Variants in GOLGA4 observed in about 807,000 individuals in gnomAD.
GOLGA4 encodes golgin A4, also known as golgin subfamily A member 4.
In GOLGA4, 169 loss-of-function variants were observed where a neutral mutation model predicts 265.9. That is an observed-to-expected ratio of 0.64 (90% CI 0.56 to 0.72). The LOEUF (loss-of-function observed/expected upper bound fraction) is 0.72, where lower values mean the gene tolerates loss of function less well. Ranked by LOEUF, GOLGA4 falls within the 30% of genes least tolerant of loss-of-function variation. The pLI, the probability that GOLGA4 is intolerant of heterozygous loss-of-function variation, is 0.00. For synonymous variants in GOLGA4, 923 were observed against 855.8 expected (o/e 1.08, Z -1.37); for missense variants, 2,482 against 2,483.4 (o/e 1.00, Z 0.01).
At chr3:37,246,176 G>A (rs2096719033) in intron 1 of GOLGA4, among the ~76,000 whole-genome samples, 1 of 151,872 alleles carries the variant, frequency 6.6e-6, no homozygotes, top group South Asian at 2.1e-4. Flanking sequence ...GCGTGGTGGC[G>A]CACACCTGTA....
intron 4 of GOLGA4, chr3:37,287,722 T>G (rs1440285585): frequency 6.6e-6 from 1 of 152,258 alleles, no homozygotes; most frequent in Admixed American, 6.5e-5. Context: ...GTTCCTGCAT[T>G]TAAAATTTTA....
rs2096836309 is a variant in GOLGA4 at position 37,282,098 on chromosome 3, C to A, written c.303C>A (p.Ser101=). 1.2e-6 allele frequency: 2 copies of A among 1,613,976 alleles called. No homozygotes were observed. Among genetic ancestry groups the A allele is most frequent in the Non-Finnish European group, 1.7e-6 (2 of 1,179,992 alleles). The change falls in exon 3 of 24, where the codon TCC becomes TCA. Residue 101 remains serine (S), a synonymous_variant. Transcript: ENST00000361924. ...TGGTACGAACATCTTCCAGAGAATC[C>A]CTGAATCGACTTGACCTGGACAGTT... ...ESLVRTSSRE[S]LNRLDLDSST... is the part of the protein sequence containing the mutation.
At position 37,267,662 on chromosome 3, in the gene GOLGA4, T is replaced by C. The variant is rs1313847682; in HGVS notation, c.163-14296T>C. On this transcript the variant is annotated intron_variant, in intron 2 of 23. Coordinates refer to ENST00000361924, the MANE Select transcript of GOLGA4 (RefSeq NM_002078.5). The stretch of plus-strand genomic sequence containing the variant: ...ACTCTACTGGGATTGAGGTTTTTCT[T>C]TCTTTTTTTAAAAAATTGTTCCACA... Among the ~76,000 whole-genome samples, 8 of 152,234 alleles carry C rather than the reference T, an allele frequency of 5.3e-5. 1 individual carries two copies. The highest frequency in any genetic ancestry group is 4.6e-4 in the Admixed American group (7 of 15,290).
At chr3:37,310,074 C>G (rs548594888) in intron 10 of GOLGA4, among the ~76,000 whole-genome samples, 1 of 152,208 alleles carries the variant, frequency 6.6e-6, no homozygotes, top group Non-Finnish European at 1.5e-5. Context: ...CAGGCATTGG[C>G]TTACTTACTC....
At chr3:37,337,568 C>A in intron 18 of GOLGA4, 98 bp from the exon 19 acceptor site, 3 of 780,778 alleles carry the variant, frequency 3.8e-6, no homozygotes, top group Non-Finnish European at 6.8e-6. Context: ...TAAGTTAAAA[C>A]TTAAAAAGAC....
chr3:37,338,604 C>G (rs545063222), intron 19 of GOLGA4, among the ~76,000 whole-genome samples: 2 of 152,260 alleles, frequency 1.3e-5, no homozygotes, highest in Admixed American at 1.3e-4. Flanking sequence ...TAAAAGTTAA[C>G]ATTTTAATCA....
At chr3:37,340,943 G>A (rs909496011) in intron 20 of GOLGA4, among the ~76,000 whole-genome samples, 4 of 152,162 alleles carry the variant, frequency 2.6e-5, no homozygotes, top group African/African-American at 9.7e-5. Flanking sequence ...TGAGGCAGGT[G>A]GATCATGAGG....
chr3:37,273,528 T>A (rs1299595778), intron 2 of GOLGA4: 10 of 1,468,660 alleles, frequency 6.8e-6, no homozygotes, highest in Non-Finnish European at 7.4e-6. Flanking sequence ...TTTCTTTCTT[T>A]TTCTTAGAAT....
chr3:37,321,040 C>G (rs2096953507), intron 12 of GOLGA4, among the ~76,000 whole-genome samples: 2 of 152,078 alleles, frequency 1.3e-5, no homozygotes, highest in Non-Finnish European at 2.9e-5. Context: ...AATATCTGCT[C>G]TAAGCAATAG....
rs201201581 is a variant in GOLGA4, at chr3:37,258,046, C to CAT, written c.162+6571_162+6572dup. ...GTATGTATATATGTATATATACATA[C>CAT]ATATATATATGTATGTATATATGTA... is the stretch of plus-strand genomic sequence containing the variant. On this transcript the variant is annotated intron_variant, in intron 2 of 23. Coordinates refer to ENST00000361924, the MANE Select transcript of GOLGA4 (RefSeq NM_002078.5). 1.0e-4 allele frequency among the ~76,000 whole-genome samples: 4 copies of CAT among 38,236 alleles called. 1 individual carries two copies. The highest frequency in any genetic ancestry group is 8.6e-4 in the South Asian group (2 of 2,314). The allele number at this position is 38,236 out of a possible 152,430, so 25.1% of individuals were successfully genotyped here. A position where few individuals can be genotyped will look rare whatever the true frequency, so the allele number is the denominator to read the frequency against.
chr3:37,321,236 A>G (rs774718394), intron 12 of GOLGA4, among the ~76,000 whole-genome samples: 11 of 152,220 alleles, frequency 7.2e-5, no homozygotes, highest in African/African-American at 2.7e-4. Flanking sequence ...GGTAGAGCCA[A>G]TGTAGCTTTG....
chr3:37,359,649 G>A lies in GOLGA4; in HGVS notation c.6664-1594G>A, dbSNP rs775223258. 4.3e-4 allele frequency among the ~76,000 whole-genome samples: 65 copies of A among 151,926 alleles called. 1 individual carries two copies. Among genetic ancestry groups the A allele is most frequent in the Non-Finnish European group, 3.4e-4 (23 of 67,962 alleles). On this transcript the variant is annotated intron_variant, in intron 22 of 23. Coordinates refer to ENST00000361924, the MANE Select transcript of GOLGA4 (RefSeq NM_002078.5). Reference sequence around the variant, plus strand: ...ACACTGATTCTTGGTGGTGTATATAGTTCTTCATCAGTCCTTGCCCTGGAC... The same window carrying A: ...ACACTGATTCTTGGTGGTGTATATAATTCTTCATCAGTCCTTGCCCTGGAC...
At chr3:37,353,151 A>G (rs137983441) in intron 21 of GOLGA4, among the ~76,000 whole-genome samples, 31 of 152,220 alleles carry the variant, frequency 2.0e-4, no homozygotes, top group African/African-American at 6.7e-4. Flanking sequence ...TGGTGCCCCA[A>G]TACAGTGACC....
intron 10 of GOLGA4, among the ~76,000 whole-genome samples, chr3:37,308,661 G>T (rs797016431): frequency 6.6e-6 from 1 of 151,502 alleles, no homozygotes; most frequent in Non-Finnish European, 1.5e-5. Context: ...TGTCGCCCAG[G>T]CTGGAGTGCA....
chr3:37,267,735 A>T (rs756340419), intron 2 of GOLGA4, among the ~76,000 whole-genome samples: 2 of 152,226 alleles, frequency 1.3e-5, no homozygotes, highest in Non-Finnish European at 2.9e-5. Flanking sequence ...ACAATGGAGA[A>T]ATGTGGCAAA....
Position 37,340,177 on chromosome 3 carries a change from A to G in GOLGA4, c.6450A>G (p.Thr2150=). ...AATATGAAAAGAATGTATATGCAAC[A>G]ACTGTGGGGACACCTTACAAAGGTA... ...LKKYEKNVYA[T]TVGTPYKGGN... is the part of the protein sequence containing the mutation. Residue 2150 remains threonine, a synonymous_variant, in exon 20 of 24, where the codon ACA becomes ACG. Transcript: ENST00000361924. 2 of 1,414,022 alleles carry G rather than the reference A, an allele frequency of 1.4e-6. No individual in the cohort carries two copies. The highest frequency in any genetic ancestry group is 2.5e-5 in the South Asian group (2 of 81,390). 87.6% of individuals were successfully genotyped at this position (1,414,022 alleles called of 1,614,324 possible). A position where few individuals can be genotyped will look rare whatever the true frequency, so the allele number is the denominator to read the frequency against.
At position 37,315,424 on chromosome 3, in the gene GOLGA4, TGAG is replaced by T. The variant is rs781051585; in HGVS notation, c.1242_1244del (p.Glu415del). 1 of 1,610,704 alleles carries T rather than the reference TGAG, an allele frequency of 6.2e-7. No homozygotes were observed. The highest frequency in any genetic ancestry group is 8.5e-7 in the Non-Finnish European group (1 of 1,178,858). On this transcript the variant is annotated inframe_deletion, in exon 11 of 24. Transcript: ENST00000361924. Reference sequence around the variant, plus strand: ...TTTCTGTTGTTTTCATTATAGCTTTTGAGGAACTTGAAAAAGCTTTGAGTACAG... The same window carrying T: ...TTTCTGTTGTTTTCATTATAGCTTTTGAACTTGAAAAAGCTTTGAGTACAG...
In GOLGA4 at chr3:37,299,278, T is replaced by A. The variant is rs571552155; in HGVS notation, c.1003-10T>A. On this transcript the variant is annotated splice_polypyrimidine_tract_variant and intron_variant, in intron 8 of 23. Coordinates refer to ENST00000361924, the MANE Select transcript of GOLGA4 (RefSeq NM_002078.5). Reference sequence around the variant, plus strand: ...TTAGAGATGGAAATGAATTTAAAAATTTTTTTTAGGACCTTCATATGGCCG... The same window carrying A: ...TTAGAGATGGAAATGAATTTAAAAAATTTTTTTAGGACCTTCATATGGCCG... The A allele has an allele frequency of 3.8e-5, 60 of 1,564,094 alleles. No individual in the cohort carries two copies. The highest frequency in any genetic ancestry group is 2.9e-4 in the East Asian group (13 of 44,582).
At chr3:37,321,023 A>C (rs970247463) in intron 12 of GOLGA4, among the ~76,000 whole-genome samples, 7 of 152,204 alleles carry the variant, frequency 4.6e-5, no homozygotes, top group Admixed American at 2.6e-4. Context: ...AAAGTATTGC[A>C]GTTGGCAATA....
Sources: gnomAD v4.1 joint callset for allele counts (sites outside exome capture counted in the v4.1 genomes callset) on GRCh38, gnomAD v4.1.1 for gene constraint, MANE v1.5 for transcripts, NCBI Gene and HGNC (gene_info 2026-07-23, HGNC 2026-07-21) for gene names.